Variants in COL25A1 observed in about 807,000 individuals in gnomAD.
COL25A1 encodes the protein collagen alpha-1(XXV) chain.
A neutral mutation model predicts 128.4 loss-of-function variants in COL25A1; 103 were observed. The ratio of observed to expected loss-of-function variants is 0.80; its 90% CI spans 0.68 to 0.94. The LOEUF is 0.94. Ranked by LOEUF, COL25A1 falls within the 40% of genes least tolerant of loss-of-function variation. The pLI is 0.00. For missense variants in COL25A1, 745 were observed against 840.0 expected (o/e 0.89, Z 1.40); for synonymous variants, 279 against 277.2 (o/e 1.01, Z -0.06).
chr4:109,108,897 C>T (rs1766717565), intron 3 of COL25A1, among the ~76,000 whole-genome samples: 1 of 151,952 alleles, frequency 6.6e-6, no homozygotes, highest in South Asian at 2.1e-4. Flanking sequence ...CATTTGTGTG[C>T]CTTGCTTTAT....
chr4:109,236,330 G>T (rs962432720), intron 3 of COL25A1, among the ~76,000 whole-genome samples: 1 of 152,016 alleles, frequency 6.6e-6, no homozygotes, highest in African/African-American at 2.4e-5. Flanking sequence ...AAGAAACCAA[G>T]ATTTGTTTCC....
intron 6 of COL25A1, among the ~76,000 whole-genome samples, chr4:109,006,980 C>T (rs537733465): frequency 3.9e-5 from 6 of 152,232 alleles, no homozygotes; most frequent in South Asian, 2.1e-4. Context: ...GGTGATCAGA[C>T]GATCTGTGCT....
intron 3 of COL25A1, among the ~76,000 whole-genome samples, chr4:109,055,450 A>G (rs1276749161): frequency 6.6e-6 from 1 of 152,164 alleles, no homozygotes; most frequent in East Asian, 1.9e-4. Context: ...CAACCTGCCC[A>G]CAGTCCCACA....
At chr4:109,182,899 G>A (rs1475363445) in intron 3 of COL25A1, among the ~76,000 whole-genome samples, 4 of 151,980 alleles carry the variant, frequency 2.6e-5, no homozygotes, top group Non-Finnish European at 4.4e-5. Flanking sequence ...AACCTTTCAA[G>A]TTTCAAGCTG....
At chr4:109,232,642 T>C (rs1245810486) in intron 3 of COL25A1, among the ~76,000 whole-genome samples, 1 of 152,192 alleles carries the variant, frequency 6.6e-6, no homozygotes, top group Non-Finnish European at 1.5e-5. Context: ...ATTACATCCA[T>C]AGAATTTTTC....
intron 3 of COL25A1, among the ~76,000 whole-genome samples, chr4:109,286,855 C>T (rs6846659): frequency 0.082 from 12,459 of 152,222 alleles, 693 homozygotes; most frequent in East Asian, 0.23. Flanking sequence ...GAGATTCTGC[C>T]TTCGCTAGAA....
At chr4:108,957,149 ATAAATG>A (rs1750165129) in intron 8 of COL25A1, among the ~76,000 whole-genome samples, 1 of 152,166 alleles carries the variant, frequency 6.6e-6, no homozygotes, top group Non-Finnish European at 1.5e-5. Flanking sequence ...GCCCACCTGG[ATAAATG>A]TGTTTGCTTT....
chr4:109,275,562 G>T (rs79511501), intron 3 of COL25A1, among the ~76,000 whole-genome samples: 1 of 152,130 alleles, frequency 6.6e-6, no homozygotes, highest in African/African-American at 2.4e-5. Flanking sequence ...ATGCAAAGGC[G>T]CCTGAGGGAA....
chr4:108,940,309 T>A (rs1747932589), intron 10 of COL25A1, among the ~76,000 whole-genome samples: 1 of 152,114 alleles, frequency 6.6e-6, no homozygotes, highest in East Asian at 1.9e-4. Flanking sequence ...GGATTCCCAG[T>A]GTATTCAGTG....
chr4:109,156,324 C>G (rs1772030311), intron 3 of COL25A1, among the ~76,000 whole-genome samples: 1 of 152,324 alleles, frequency 6.6e-6, no homozygotes, highest in Non-Finnish European at 1.5e-5. Context: ...GAGAACAACT[C>G]AAATACCGAA....
chr4:109,038,609 A>G (rs767110924), intron 5 of COL25A1, among the ~76,000 whole-genome samples: 17 of 152,214 alleles, frequency 1.1e-4, no homozygotes, highest in Non-Finnish European at 2.2e-4. Flanking sequence ...TCATGCCAGC[A>G]ATACAGTGTA....
At chr4:108,987,607 C>T (rs559256148) in intron 6 of COL25A1, among the ~76,000 whole-genome samples, 37 of 152,256 alleles carry the variant, frequency 2.4e-4, no homozygotes, top group African/African-American at 8.9e-4. Flanking sequence ...AACTCCTGAC[C>T]TCGTGATCCA....
At chr4:109,262,001 T>C (rs1243912024) in intron 3 of COL25A1, among the ~76,000 whole-genome samples, 1 of 151,620 alleles carries the variant, frequency 6.6e-6, no homozygotes, top group Non-Finnish European at 1.5e-5. Context: ...CCGGCTGATA[T>C]ACAATAATTT....
At chr4:108,937,731 C>T (rs1747604709) in intron 11 of COL25A1, 77 bp downstream of exon 11, 2 of 1,216,056 alleles carry the variant, frequency 1.6e-6, no homozygotes, top group Admixed American at 2.3e-5. Flanking sequence ...ATGACAGATA[C>T]ATTCATCACA....
intron 3 of COL25A1, among the ~76,000 whole-genome samples, chr4:109,218,371 T>TGTTTTG (rs1254663111): frequency 1.4e-5 from 2 of 140,322 alleles, no homozygotes; most frequent in East Asian, 4.2e-4. Context: ...TTTTTTTTTT[T>TGTTTTG]TTTTTTTTTT....
intron 3 of COL25A1, among the ~76,000 whole-genome samples, chr4:109,099,369 A>T (rs1765681139): frequency 6.6e-6 from 1 of 152,210 alleles, no homozygotes; most frequent in Admixed American, 6.5e-5. Flanking sequence ...TATCTAGACA[A>T]GAGGCAGTAT....
chr4:109,158,421 T>G (rs1772239248), intron 3 of COL25A1, among the ~76,000 whole-genome samples: 1 of 152,236 alleles, frequency 6.6e-6, no homozygotes, highest in South Asian at 2.1e-4. Context: ...ATATAGTATA[T>G]TATTTTATTC....
At chr4:108,928,800 C>G (rs1071929) in intron 11 of COL25A1, among the ~76,000 whole-genome samples, 106,644 of 151,984 alleles carry the variant, frequency 0.7, 38,742 homozygotes, top group East Asian at 0.94. Context: ...CCACCCACTT[C>G]GGCCTCCCAA....
Position 108,841,136 on chromosome 4 carries a change from C to A in COL25A1, c.1656+559G>T, listed in dbSNP as rs116649421. On this transcript the variant is annotated intron_variant, in intron 31 of 37. Transcript: ENST00000399132. ...CTACACTAATTCTGACAAAGAGGAGCTTTTATCCCTTGTTCTCTTCTTAAC... is the reference window on the plus strand; with the variant it reads ...CTACACTAATTCTGACAAAGAGGAGATTTTATCCCTTGTTCTCTTCTTAAC... Among the ~76,000 whole-genome samples the A allele has an allele frequency of 3.5e-3, 539 of 152,316 alleles. 4 individuals carry two copies. Among genetic ancestry groups the A allele is most frequent in the African/African-American group, 0.011 (447 of 41,568 alleles).
Sources: gnomAD v4.1 joint callset for allele counts (sites outside exome capture counted in the v4.1 genomes callset) on GRCh38, gnomAD v4.1.1 for gene constraint, MANE v1.5 for transcripts, NCBI Gene and HGNC (gene_info 2026-07-23, HGNC 2026-07-21) for gene names.